Variants in EMP2 observed in about 807,000 individuals in gnomAD.
EMP2 encodes the protein epithelial membrane protein 2.
A neutral mutation model predicts 13.7 loss-of-function variants in EMP2; 19 were observed. That is an observed-to-expected ratio of 1.38 (90% CI 0.97 to 2.03). EMP2 has a LOEUF of 2.03. Ranked by LOEUF, EMP2 falls within the 30% of genes most tolerant of loss-of-function variation. The pLI, the probability that EMP2 is intolerant of heterozygous loss-of-function variation, is 0.00. For missense variants in EMP2, 253 were observed against 220.7 expected (o/e 1.15, Z -0.93); for synonymous variants, 97 against 84.7 (o/e 1.15, Z -0.80).
At chr16:10,554,820 C>T (rs1178643730) in intron 1 of EMP2, among the ~76,000 whole-genome samples, 1 of 152,082 alleles carries the variant, frequency 6.6e-6, no homozygotes, top group Non-Finnish European at 1.5e-5. Flanking sequence ...TCAGCTGGCT[C>T]TCTGGCATTG....
In EMP2 at chr16:10,547,639, G is replaced by A. The variant is rs762975081; in HGVS notation, c.-22C>T. On this transcript the variant is annotated 5_prime_UTR_variant, in exon 2 of 5. Coordinates refer to ENST00000359543, the MANE Select transcript of EMP2 (RefSeq NM_001424.6). Reference sequence around the variant, plus strand: ...ACATTTTCACAGGGCAGGGCGAGTCGAGGCGAGGGGTCACGTTTAAAGCCC... The same window carrying A: ...ACATTTTCACAGGGCAGGGCGAGTCAAGGCGAGGGGTCACGTTTAAAGCCC... 38 of 1,613,258 alleles carry A rather than the reference G, an allele frequency of 2.4e-5. No homozygotes were observed. The highest frequency in any genetic ancestry group is 3.0e-5 in the Non-Finnish European group (35 of 1,179,486).
At position 10,529,267 on chromosome 16, in the gene EMP2, G is replaced by T. The variant is rs2050578832; in HGVS notation, c.*3638C>A. On this transcript the variant is annotated 3_prime_UTR_variant, in exon 5 of 5. Coordinates refer to ENST00000359543, the MANE Select transcript of EMP2 (RefSeq NM_001424.6). ...TGCTTCTTGGATGTCTACTAATTTT[G>T]TTGTTGTTATTGTTCTTGAATAACT... 6.6e-6 allele frequency: 1 copy of T among 152,176 alleles called. No homozygotes were observed. The allele number at this position is 152,176 out of a possible 1,614,324, so 9.4% of individuals were successfully genotyped here.
At chr16:10,563,445 G>C (rs950453768) in intron 1 of EMP2, among the ~76,000 whole-genome samples, 2 of 152,158 alleles carry the variant, frequency 1.3e-5, no homozygotes, top group Non-Finnish European at 2.9e-5. Flanking sequence ...ACCTGCCTTG[G>C]TCTCCCAAAG....
chr16:10,550,590 A>G (rs2050779322), intron 1 of EMP2, among the ~76,000 whole-genome samples: 1 of 152,280 alleles, frequency 6.6e-6, no homozygotes, highest in African/African-American at 2.4e-5. Context: ...GCAGTATGCC[A>G]GTTTGTCCCA....
At chr16:10,567,072 C>T (rs1013674716) in intron 1 of EMP2, among the ~76,000 whole-genome samples, 6 of 152,204 alleles carry the variant, frequency 3.9e-5, no homozygotes, top group East Asian at 1.9e-4. Context: ...TTCTAGTCTA[C>T]GTGATCTGCC....
At chr16:10,568,960 G>A (rs1210847826) in intron 1 of EMP2, among the ~76,000 whole-genome samples, 2 of 151,902 alleles carry the variant, frequency 1.3e-5, no homozygotes, top group Non-Finnish European at 2.9e-5. Context: ...CTAATTTTTT[G>A]TATTTTTAGT....
intron 1 of EMP2, among the ~76,000 whole-genome samples, chr16:10,550,537 T>G (rs189923737): frequency 1.3e-5 from 2 of 152,346 alleles, no homozygotes; most frequent in African/African-American, 4.8e-5. Flanking sequence ...TAAGCAGGAA[T>G]GGCATATGAG....
At chr16:10,540,497 C>T (rs1263041551) in intron 3 of EMP2, among the ~76,000 whole-genome samples, 3 of 103,220 alleles carry the variant, frequency 2.9e-5, no homozygotes, top group Non-Finnish European at 5.7e-5. Flanking sequence ...CAGAGCGAGA[C>T]TCTGTCTCAA....
chr16:10,537,962 CCT>C lies in EMP2; in HGVS notation c.280_281del (p.Arg94ValfsTer27). 6.2e-7 allele frequency: 1 copy of C among 1,614,140 alleles called. No homozygotes were observed. Among genetic ancestry groups the C allele is most frequent in the Non-Finnish European group, 8.5e-7 (1 of 1,180,032 alleles). On this transcript the variant is annotated frameshift_variant, in exon 4 of 5. Coordinates refer to ENST00000359543, the MANE Select transcript of EMP2 (RefSeq NM_001424.6). LOFTEE classifies it low-confidence loss of function (END_TRUNC). ...GCTGGATGATGGAGGTTAGGACAAA[CCT>C]CTCTCCCTGCTTCAGGCGGAAGAGC... ...LQLFRLKQGE[R>X]FVLTSIIQLM...
intron 4 of EMP2, among the ~76,000 whole-genome samples, chr16:10,536,504 G>T (rs544386891): frequency 2.7e-4 from 41 of 152,244 alleles, no homozygotes; most frequent in Non-Finnish European, 4.4e-4. Context: ...CCCTGCACAC[G>T]CTCTCTTTCC....
chr16:10,568,092 T>G (rs1042617493), intron 1 of EMP2, among the ~76,000 whole-genome samples: 1 of 152,106 alleles, frequency 6.6e-6, no homozygotes, highest in African/African-American at 2.4e-5. Context: ...CATGATCAAT[T>G]TACAGCAATA....
intron 4 of EMP2, among the ~76,000 whole-genome samples, chr16:10,537,066 G>C (rs1000643404): frequency 6.6e-6 from 1 of 152,140 alleles, no homozygotes; most frequent in Non-Finnish European, 1.5e-5. Flanking sequence ...AGTTAGAGTG[G>C]TTAGGGCCAA....
chr16:10,547,459 C>G (rs1442953945), intron 2 of EMP2, 81 bp downstream of exon 2: 12 of 1,445,708 alleles, frequency 8.3e-6, no homozygotes, highest in Non-Finnish European at 1.2e-5. Context: ...TTATCAGCAG[C>G]ATGAGAACAG....
chr16:10,542,447 C>G (rs905915040), intron 3 of EMP2, among the ~76,000 whole-genome samples: 8 of 143,248 alleles, frequency 5.6e-5, no homozygotes, highest in Admixed American at 5.0e-4. Context: ...ACCCTCCCCC[C>G]CCACCAACAA....
chr16:10,578,478 C>T (rs1020636449), intron 1 of EMP2, among the ~76,000 whole-genome samples: 7 of 152,140 alleles, frequency 4.6e-5, no homozygotes, highest in Admixed American at 2.6e-4. Flanking sequence ...AAAACGCCAC[C>T]AAGCCCTTTT....
chr16:10,564,610 G>T (rs1370221549), intron 1 of EMP2, among the ~76,000 whole-genome samples: 4 of 151,608 alleles, frequency 2.6e-5, no homozygotes, highest in Non-Finnish European at 5.9e-5. Flanking sequence ...ATCATCACCA[G>T]CATCGTAGTC....
chr16:10,552,533 C>CTAATT (rs1289072726), intron 1 of EMP2, among the ~76,000 whole-genome samples: 1 of 152,124 alleles, frequency 6.6e-6, no homozygotes, highest in Non-Finnish European at 1.5e-5. Context: ...CCAATACTTG[C>CTAATT]TAATTTCTTT....
At chr16:10,566,783 G>A (rs994041496) in intron 1 of EMP2, among the ~76,000 whole-genome samples, 15 of 152,092 alleles carry the variant, frequency 9.9e-5, no homozygotes, top group African/African-American at 2.9e-4. Flanking sequence ...CAGAGCATGC[G>A]AGGCTCTTTG....
intron 1 of EMP2, chr16:10,576,808 CGGGAAGGA>C (rs2050987072): frequency 6.6e-6 from 1 of 152,208 alleles, no homozygotes; most frequent in African/African-American, 2.4e-5. Context: ...TGTCTCTGCA[CGGGAAGGA>C]GGGAGGGACT....
Sources: allele counts gnomAD v4.1 joint callset (sites outside exome capture counted in the v4.1 genomes callset), GRCh38; gene constraint gnomAD v4.1.1; transcripts MANE v1.5; gene names NCBI Gene and HGNC (gene_info 2026-07-23, HGNC 2026-07-21).